The following ALG6 variants were observed in gnomAD, a reference collection of about 807,000 sequenced individuals.
ALG6 encodes dolichyl pyrophosphate Man9GlcNAc2 alpha-1,3-glucosyltransferase.
Under a neutral mutation model 66.6 loss-of-function variants are expected in ALG6, and 46 were observed. That is an observed-to-expected ratio of 0.69 (90% confidence interval 0.55 to 0.88). The LOEUF (loss-of-function observed/expected upper bound fraction) is 0.88. Ranked by LOEUF, ALG6 falls within the 40% of genes least tolerant of loss-of-function variation. ALG6 has a pLI of 0.00. For synonymous variants in ALG6, 185 were observed against 203.7 expected, an observed-to-expected ratio of 0.91 and a Z score of 0.78; for missense variants, 505 against 586.8, an observed-to-expected ratio of 0.86 and a Z score of 1.44.
intron 2 of ALG6, among the ~76,000 whole-genome samples, chr1:63,372,976 A>T (rs1647983958): frequency 6.7e-6 from 1 of 149,906 alleles, no homozygotes; most frequent in Non-Finnish European, 1.5e-5. Flanking sequence ...TTACATATAG[A>T]TGTATACACA....
At chr1:63,400,191 T>G (rs1171200719) in intron 3 of ALG6, among the ~76,000 whole-genome samples, 1 of 48,680 alleles carries the variant, frequency 2.1e-5, no homozygotes, top group Non-Finnish European at 3.3e-5. Context: ...CAAAACTCTG[T>G]CTCAAAAAAA....
intron 14 of ALG6, among the ~76,000 whole-genome samples, chr1:63,436,065 T>TGA (rs1644677193): frequency 6.6e-6 from 1 of 152,218 alleles, no homozygotes; most frequent in Non-Finnish European, 1.5e-5. Context: ...TCGTGTGCTT[T>TGA]ACTCATTGAA....
chr1:63,385,184 C>CTTTTTTTTTTTTT (rs1165046824), intron 2 of ALG6, among the ~76,000 whole-genome samples: 9 of 58,952 alleles, frequency 1.5e-4, no homozygotes, highest in Non-Finnish European at 1.9e-4. Flanking sequence ...TTTACTTCTT[C>CTTTTTTTTTTTTT]TTTTTTTTTT....
In ALG6 at chr1:63,402,342, G is replaced by A. The variant is rs537735680; in HGVS notation, c.256G>A (p.Val86Met). ...TAYHSLLCAY[V>M]AKFINPDWIA... ...TTATCATAGTCTCCTATGTGCATATGTGTAAGTTTTTCTTTCTTAATGTAA... is the reference window on the plus strand; with the variant it reads ...TTATCATAGTCTCCTATGTGCATATATGTAAGTTTTTCTTTCTTAATGTAA... Residue 86 changes from valine to methionine, a missense_variant and splice_region_variant, in exon 4 of 15, where the codon GTG becomes ATG. Val to Met is a conservative substitution (Grantham distance 21). Coordinates refer to ENST00000263440, the MANE Select transcript of ALG6 (RefSeq NM_013339.4). The A allele has an allele frequency of 5.0e-6, 8 of 1,603,562 alleles. No individual in the cohort carries two copies. Among genetic ancestry groups the A allele is most frequent in the East Asian group, 4.5e-5 (2 of 44,756 alleles).
chr1:63,368,052 A>T (rs928479821), intron 1 of ALG6, among the ~76,000 whole-genome samples: 2 of 151,670 alleles, frequency 1.3e-5, no homozygotes, highest in Admixed American at 1.3e-4. Context: ...CGGTGGAAGG[A>T]CCTTTCAGAC....
intron 12 of ALG6, among the ~76,000 whole-genome samples, chr1:63,426,045 A>C (rs906976352): frequency 6.6e-6 from 1 of 152,188 alleles, no homozygotes; most frequent in Non-Finnish European, 1.5e-5. Flanking sequence ...CGTTATAGCA[A>C]ATGAGAGGGA....
intron 3 of ALG6, 34 bp downstream of exon 3, chr1:63,396,631 C>T: frequency 3.2e-6 from 5 of 1,539,848 alleles, no homozygotes; most frequent in Non-Finnish European, 4.5e-6. Flanking sequence ...TCTTGTTTAT[C>T]ATAGTTAATA....
chr1:63,431,243 G>A (rs1248251399), intron 14 of ALG6, among the ~76,000 whole-genome samples: 1 of 152,070 alleles, frequency 6.6e-6, no homozygotes, highest in Non-Finnish European at 1.5e-5. Context: ...TAGCTTTGTA[G>A]TTAGTTTTGA....
chr1:63,393,561 T>A (rs1648732498), intron 2 of ALG6, among the ~76,000 whole-genome samples: 2 of 152,200 alleles, frequency 1.3e-5, no homozygotes, highest in African/African-American at 4.8e-5. Context: ...GATTTAGGAT[T>A]TCAGATGATG....
chr1:63,374,006 A>G (rs954181460), intron 2 of ALG6, among the ~76,000 whole-genome samples: 1 of 152,214 alleles, frequency 6.6e-6, no homozygotes, highest in Admixed American at 6.5e-5. Flanking sequence ...AAGAACTACT[A>G]TATTTTGAGT....
intron 12 of ALG6, among the ~76,000 whole-genome samples, chr1:63,425,420 G>A (rs1337227913): frequency 6.6e-6 from 1 of 152,122 alleles, no homozygotes; most frequent in Non-Finnish European, 1.5e-5. Flanking sequence ...TGCTGGGAAG[G>A]GAGTAAATGT....
At position 63,415,655 on chromosome 1, in the gene ALG6, A is replaced by G. The variant is rs1036132416; in HGVS notation, c.903-218A>G. ...TATTTAGTTTTATCATGTTTGGTCT[A>G]TATTATGTAATCGTGTATAAAAGTA... On this transcript the variant is annotated intron_variant, in intron 10 of 14. Transcript: ENST00000263440. Among the ~76,000 whole-genome samples the G allele has an allele frequency of 3.4e-5, 5 of 149,088 alleles. No individual in the cohort carries two copies. The South Asian group carries it at 6.7e-4, about 20-fold the overall frequency.
intron 2 of ALG6, among the ~76,000 whole-genome samples, chr1:63,379,743 A>G (rs1446663203): frequency 6.7e-6 from 1 of 149,592 alleles, no homozygotes; most frequent in Admixed American, 6.7e-5. Flanking sequence ...ATTATTAATT[A>G]TATAAAAACA....
chr1:63,384,182 A>G (rs771640544), intron 2 of ALG6, among the ~76,000 whole-genome samples: 2 of 152,074 alleles, frequency 1.3e-5, no homozygotes, highest in Non-Finnish European at 2.9e-5. Flanking sequence ...GATAAAAGCC[A>G]TTTTACCTGG....
At chr1:63,427,167 AT>A (rs534868219) in intron 12 of ALG6, among the ~76,000 whole-genome samples, 5,957 of 134,266 alleles carry the variant, frequency 0.044, 260 homozygotes, top group African/African-American at 0.13. Flanking sequence ...TGTCCAGCTA[AT>A]TTTTTTTTTT....
intron 2 of ALG6, among the ~76,000 whole-genome samples, chr1:63,391,222 G>A (rs192666940): frequency 3.3e-5 from 5 of 152,240 alleles, no homozygotes; most frequent in Non-Finnish European, 7.4e-5. Flanking sequence ...TAATGTGCCC[G>A]TGTAACAAAA....
chr1:63,415,763 C>A, intron 10 of ALG6, 110 bp from the exon 11 acceptor site: 1 of 642,262 alleles, frequency 1.6e-6, no homozygotes, highest in Non-Finnish European at 2.6e-6. Context: ...TTGAAATAAA[C>A]TTAAGTTGAT....
At chr1:63,415,830 C>T (rs763472347) in intron 10 of ALG6, 43 bp from the exon 11 acceptor site, 8 of 1,315,468 alleles carry the variant, frequency 6.1e-6, no homozygotes, top group Non-Finnish European at 7.6e-6. Flanking sequence ...AGATTTATAC[C>T]TCTACAAAGA....
chr1:63,415,573 T>G (rs1047639085), intron 10 of ALG6, among the ~76,000 whole-genome samples: 9 of 152,206 alleles, frequency 5.9e-5, no homozygotes. Context: ...GACCTTCAAC[T>G]ATGTATCTTT....
Sources: gnomAD v4.1 joint callset for allele counts (sites outside exome capture counted in the v4.1 genomes callset) on GRCh38, gnomAD v4.1.1 for gene constraint, MANE v1.5 for transcripts, NCBI Gene and HGNC (gene_info 2026-07-23, HGNC 2026-07-21) for gene names.